BLK: variants seen among roughly 807,000 people sequenced by gnomAD.
BLK encodes BLK proto-oncogene, Src family tyrosine kinase, also known as tyrosine-protein kinase Blk.
A neutral mutation model predicts 61.8 loss-of-function variants in BLK; 64 were observed. The ratio of observed to expected loss-of-function variants is 1.03; its 90% CI spans 0.85 to 1.27. BLK has a LOEUF of 1.27. Among genes scored for constraint, BLK ranks in the 50% most tolerant of loss-of-function variants. The pLI is 0.00. For missense variants in BLK, 853 were observed against 660.5 expected (o/e 1.29, Z -3.19); for synonymous variants, 351 against 272.0 (o/e 1.29, Z -2.86).
At chr8:11,509,394 G>C (rs1425436245) in intron 1 of BLK, 1 of 152,182 alleles carries the variant, frequency 6.6e-6, no homozygotes, top group Non-Finnish European at 1.5e-5. Context: ...TGGATGACGT[G>C]AATCCAAAAA....
intron 1 of BLK, among the ~76,000 whole-genome samples, chr8:11,527,314 T>C (rs79939738): frequency 2.0e-5 from 3 of 152,174 alleles, no homozygotes; most frequent in South Asian, 2.1e-4. Context: ...TTTTTGCAAA[T>C]ATATACTCTT....
At chr8:11,549,439 C>A (rs928613227) in intron 5 of BLK, among the ~76,000 whole-genome samples, 1 of 152,234 alleles carries the variant, frequency 6.6e-6, no homozygotes, top group Non-Finnish European at 1.5e-5. Flanking sequence ...ACCAGCATCC[C>A]CTCCCCTACA....
chr8:11,540,983 G>T (rs1337269403), intron 1 of BLK, among the ~76,000 whole-genome samples: 1 of 152,180 alleles, frequency 6.6e-6, no homozygotes, highest in Non-Finnish European at 1.5e-5. Context: ...TTAGCAAATA[G>T]GGCCGAGTGT....
chr8:11,533,891 T>C (rs565109196), intron 1 of BLK, among the ~76,000 whole-genome samples: 4 of 152,386 alleles, frequency 2.6e-5, no homozygotes, highest in South Asian at 2.1e-4. Flanking sequence ...AGAGGATCAC[T>C]GGCAGTAAAA....
chr8:11,514,507 C>T (rs750835238), intron 1 of BLK, among the ~76,000 whole-genome samples: 1 of 152,234 alleles, frequency 6.6e-6, no homozygotes, highest in Non-Finnish European at 1.5e-5. Context: ...CCTTCTTGCA[C>T]GCTGAGCTCT....
intron 1 of BLK, among the ~76,000 whole-genome samples, chr8:11,503,555 C>G (rs770380263): frequency 3.3e-5 from 5 of 152,152 alleles, no homozygotes; most frequent in Non-Finnish European, 7.4e-5. Context: ...TTCAGAGAGG[C>G]CTTTGCCACC....
chr8:11,503,950 C>T (rs1242024767), intron 1 of BLK, among the ~76,000 whole-genome samples: 1 of 152,166 alleles, frequency 6.6e-6, no homozygotes, highest in Admixed American at 6.5e-5. Context: ...AGAGAGGCTC[C>T]TGGCCGGGAG....
Position 11,502,330 on chromosome 8 carries a change from G to C in BLK, c.-2+7739G>C, listed in dbSNP as rs549642146. Among the ~76,000 whole-genome samples the C allele has an allele frequency of 2.6e-5, 4 of 151,334 alleles. No homozygotes were observed. In the South Asian group the frequency reaches 8.4e-4, roughly 32 times the overall value. ...CTTTTTTATTTTTCTTTGAGAAGGAGTCTTACTCTGTTGCCCAGGCTGCAG... is the reference window on the plus strand; with the variant it reads ...CTTTTTTATTTTTCTTTGAGAAGGACTCTTACTCTGTTGCCCAGGCTGCAG... On this transcript the variant is annotated intron_variant, in intron 1 of 12. Transcript: ENST00000259089.
At chr8:11,529,515 A>G (rs1274744119) in intron 1 of BLK, among the ~76,000 whole-genome samples, 1 of 152,050 alleles carries the variant, frequency 6.6e-6, no homozygotes, top group Non-Finnish European at 1.5e-5. Flanking sequence ...GGTCTGCAAA[A>G]TATCTCAAGC....
At chr8:11,511,947 G>A (rs959233648) in intron 1 of BLK, among the ~76,000 whole-genome samples, 5 of 152,124 alleles carry the variant, frequency 3.3e-5, no homozygotes, top group African/African-American at 1.2e-4. Context: ...GGAAAAGTAA[G>A]CATTTTCTTA....
At chr8:11,538,721 G>C (rs2117418895) in intron 1 of BLK, among the ~76,000 whole-genome samples, 1 of 152,248 alleles carries the variant, frequency 6.6e-6, no homozygotes, top group Admixed American at 6.5e-5. Flanking sequence ...GAATATACTA[G>C]GAGCTGCTGA....
chr8:11,543,838 GAA>G lies in BLK; in HGVS notation c.123+499_123+500del, dbSNP rs558233334. ...TTTAAATGAGGAAAACTTTCCAAAG[GAA>G]AAAAAAAGTGAAATTTCAAGTGAAA... On this transcript the variant is annotated intron_variant, in intron 2 of 12. Coordinates refer to ENST00000259089, the MANE Select transcript of BLK (RefSeq NM_001715.3). Among the ~76,000 whole-genome samples, 17 of 150,470 alleles carry G rather than the reference GAA, an allele frequency of 1.1e-4. No homozygotes were observed. The East Asian group carries it at 3.3e-3, about 29-fold the overall frequency.
At chr8:11,541,376 A>G (rs1474715850) in intron 1 of BLK, among the ~76,000 whole-genome samples, 2 of 152,202 alleles carry the variant, frequency 1.3e-5, no homozygotes, top group Admixed American at 1.3e-4. Flanking sequence ...ATAACAGAAA[A>G]TTTACCAACA....
At position 11,562,232 on chromosome 8, in the gene BLK, G is replaced by C. The variant is rs548293309; in HGVS notation, c.1181-747G>C. Reference sequence around the variant, plus strand: ...AACCAACCTGTATTAGGGTGTCCACGGAGCACTGTTTTACTCTGTGCATAT... The same window carrying C: ...AACCAACCTGTATTAGGGTGTCCACCGAGCACTGTTTTACTCTGTGCATAT... On this transcript the variant is annotated intron_variant, in intron 11 of 12. Transcript: ENST00000259089. Among the ~76,000 whole-genome samples the C allele has an allele frequency of 4.6e-5, 7 of 152,272 alleles. 1 individual carries two copies. In the Middle Eastern group the frequency reaches 0.017, roughly 370 times the overall value.
intron 6 of BLK, among the ~76,000 whole-genome samples, chr8:11,552,290 G>C (rs1296551366): frequency 2.0e-5 from 3 of 152,240 alleles, no homozygotes; most frequent in African/African-American, 7.2e-5. Flanking sequence ...GCAGGACCAG[G>C]TTGGGGAGCA....
intron 1 of BLK, among the ~76,000 whole-genome samples, chr8:11,530,416 G>A (rs949626207): frequency 6.6e-6 from 1 of 152,174 alleles, no homozygotes; most frequent in African/African-American, 2.4e-5. Flanking sequence ...CATCTCTGTA[G>A]GTCAGCCTCG....
intron 11 of BLK, among the ~76,000 whole-genome samples, chr8:11,562,394 G>C (rs1241527787): frequency 6.6e-6 from 1 of 152,202 alleles, no homozygotes; most frequent in Non-Finnish European, 1.5e-5. Context: ...GGGAACTTCA[G>C]GCTGGCTGGG....
chr8:11,564,285 A>C lies in BLK; in HGVS notation c.*177A>C, dbSNP rs1563128845. ...CCGGACGGACTCCTTCACCGACTGCACCCCCGGGCGAGTTACGCGGCCTCT... is the reference window on the plus strand; with the variant it reads ...CCGGACGGACTCCTTCACCGACTGCCCCCCCGGGCGAGTTACGCGGCCTCT... On this transcript the variant is annotated 3_prime_UTR_variant, in exon 13 of 13. Transcript: ENST00000259089. The C allele has an allele frequency of 1.3e-6, 1 of 775,496 alleles. No homozygotes were observed. The highest frequency in any genetic ancestry group is 2.2e-6 in the Non-Finnish European group (1 of 454,716). The allele number at this position is 775,496 out of a possible 1,614,324, so 48.0% of individuals were successfully genotyped here.
In BLK at chr8:11,537,119, C is replaced by G. The variant is rs150590170; in HGVS notation, c.-1-6105C>G. 1.5e-3 allele frequency among the ~76,000 whole-genome samples: 232 copies of G among 152,278 alleles called. No individual in the cohort carries two copies. In the Middle Eastern group the frequency reaches 0.041, roughly 27 times the overall value. On this transcript the variant is annotated intron_variant, in intron 1 of 12. Coordinates refer to ENST00000259089, the MANE Select transcript of BLK (RefSeq NM_001715.3). ...CAGTATTAGGGCAAAGGTGAGGAAG[C>G]CTCATTTCAGTGGTGTTGTCCTGAG...
Sources: gnomAD v4.1 joint callset for allele counts (sites outside exome capture counted in the v4.1 genomes callset) on GRCh38, gnomAD v4.1.1 for gene constraint, MANE v1.5 for transcripts, NCBI Gene and HGNC (gene_info 2026-07-23, HGNC 2026-07-21) for gene names.